Variants in ZFHX3 observed in about 807,000 individuals in gnomAD.
ZFHX3 encodes the protein zinc finger homeobox 3, also known as zinc finger homeobox protein 3.
A neutral mutation model predicts 279.1 loss-of-function variants in ZFHX3; 42 were observed. That is an observed-to-expected ratio of 0.15 (90% CI 0.12 to 0.19). ZFHX3 has a LOEUF of 0.19. Among genes scored for constraint, ZFHX3 ranks in the 10% least tolerant of loss-of-function variants. The pLI, the probability that ZFHX3 is intolerant of heterozygous loss-of-function variation, is 1.00. For synonymous variants in ZFHX3, 2,293 were observed against 1,957.8 expected (o/e 1.17, Z -4.52); for missense variants, 4,981 against 4,754.0 (o/e 1.05, Z -1.40).
At chr16:73,283,568 A>T (rs896688915) in intron 4 of ZFHX3, among the ~76,000 whole-genome samples, 1 of 152,228 alleles carries the variant, frequency 6.6e-6, no homozygotes, top group African/African-American at 2.4e-5. Flanking sequence ...ACATCCACCA[A>T]TGAAAGTTCC....
chr16:73,596,644 C>T (rs1597018494), intron 2 of ZFHX3, among the ~76,000 whole-genome samples: 1 of 152,194 alleles, frequency 6.6e-6, no homozygotes, highest in East Asian at 1.9e-4. Context: ...TTTCAAAAAG[C>T]TTTCCATGGT....
chr16:73,722,570 A>G (rs2053483861), intron 1 of ZFHX3, among the ~76,000 whole-genome samples: 1 of 152,244 alleles, frequency 6.6e-6, no homozygotes, highest in African/African-American at 2.4e-5. Context: ...ATACACTGGC[A>G]TGAAAATTAG....
rs555892262 is a variant in ZFHX3, at chr16:72,870,283, T to G, written c.3448+19448A>C. ...GATGCATGCCTGTAGTCCCAGGTAC[T>G]CAGGAGGCTGAGGTGGGAGGATCAC... On this transcript the variant is annotated intron_variant, in intron 4 of 9. Transcript: ENST00000268489. 1.3e-3 allele frequency among the ~76,000 whole-genome samples: 201 copies of G among 152,126 alleles called. 1 individual carries two copies. Among genetic ancestry groups the G allele is most frequent in the African/African-American group, 4.5e-3 (186 of 41,490 alleles).
chr16:73,110,351 C>A (rs748903706), intron 7 of ZFHX3, among the ~76,000 whole-genome samples: 2 of 152,020 alleles, frequency 1.3e-5, no homozygotes, highest in Non-Finnish European at 2.9e-5. Context: ...TCTGAGTATG[C>A]CCTTTCCTTG....
intron 5 of ZFHX3, among the ~76,000 whole-genome samples, chr16:73,252,654 A>T (rs1567431318): frequency 6.6e-6 from 1 of 152,138 alleles, no homozygotes; most frequent in Non-Finnish European, 1.5e-5. Flanking sequence ...GCTACGGCTG[A>T]GTGTTCGGTG....
intron 5 of ZFHX3, among the ~76,000 whole-genome samples, chr16:72,827,433 A>G (rs990090637): frequency 1.3e-5 from 2 of 152,176 alleles, no homozygotes; most frequent in South Asian, 2.1e-4. Context: ...AGAAAGGTCA[A>G]GGTACCTTGA....
intron 3 of ZFHX3, among the ~76,000 whole-genome samples, chr16:73,363,496 A>G (rs1178388154): frequency 6.6e-6 from 1 of 152,122 alleles, no homozygotes; most frequent in African/African-American, 2.4e-5. Context: ...CACTCAACGT[A>G]GATTTGTTGA....
chr16:73,428,957 C>T (rs1316191930), intron 3 of ZFHX3, among the ~76,000 whole-genome samples: 2 of 152,192 alleles, frequency 1.3e-5, no homozygotes, highest in Admixed American at 1.3e-4. Context: ...TGCTCCCATT[C>T]TTCCTTCACG....
intron 7 of ZFHX3, among the ~76,000 whole-genome samples, chr16:73,107,047 T>C (rs11859096): frequency 0.18 from 27,416 of 152,206 alleles, 3,098 homozygotes; most frequent in Middle Eastern, 0.24. Flanking sequence ...CTGGGTGCAG[T>C]GCCTCATGCC....
chr16:73,827,758 G>T (rs1481757536), intron 1 of ZFHX3, among the ~76,000 whole-genome samples: 46 of 111,864 alleles, frequency 4.1e-4, no homozygotes, highest in Middle Eastern at 3.8e-3. Context: ...ATTGCACTGT[G>T]GTCTGAGAGA....
At chr16:73,804,770 A>G (rs11645342) in intron 1 of ZFHX3, among the ~76,000 whole-genome samples, 36 of 152,096 alleles carry the variant, frequency 2.4e-4, no homozygotes, top group Middle Eastern at 3.4e-3. Context: ...CCTTTCTGAC[A>G]TATTCTAACA....
chr16:73,530,733 A>C (rs1462968933), intron 2 of ZFHX3, among the ~76,000 whole-genome samples: 1 of 152,218 alleles, frequency 6.6e-6, no homozygotes, highest in Admixed American at 6.5e-5. Context: ...TTTGCTGTCC[A>C]TGCACTTTTC....
intron 2 of ZFHX3, among the ~76,000 whole-genome samples, chr16:73,612,333 A>C (rs1023545981): frequency 6.6e-6 from 1 of 152,218 alleles, no homozygotes; most frequent in Non-Finnish European, 1.5e-5. Flanking sequence ...AAACAATAGC[A>C]GCTGCATTTA....
intron 7 of ZFHX3, among the ~76,000 whole-genome samples, chr16:73,122,807 G>C (rs921590486): frequency 4.6e-5 from 7 of 152,154 alleles, no homozygotes; most frequent in African/African-American, 1.7e-4. Context: ...CCTGGGAGCT[G>C]AGCACTGCTG....
intron 1 of ZFHX3, among the ~76,000 whole-genome samples, chr16:73,856,597 A>G (rs1215138099): frequency 6.6e-6 from 1 of 152,198 alleles, no homozygotes; most frequent in Non-Finnish European, 1.5e-5. Context: ...TTTTTAATGG[A>G]TTTGAAGAAA....
rs1371275904 is a variant in ZFHX3 at position 72,787,306 on chromosome 16, G to C, written c.10970C>G (p.Thr3657Arg). ...GTCAGACTCCTCCGAATAGTCGTCT[G>C]TTGGCATCGAGGGCTGAACCCCTGA... is the stretch of plus-strand genomic sequence containing the variant. ...STSGVQPSMP[T>R]DDYSEESDTD... Residue 3657 changes from threonine to arginine, a missense_variant, in exon 10 of 10, where the codon ACA (threonine) becomes AGA (arginine). Thr to Arg is a moderately conservative substitution (Grantham distance 71). Coordinates refer to ENST00000268489, the MANE Select transcript of ZFHX3 (RefSeq NM_006885.4). 3 of 1,614,056 alleles carry C rather than the reference G, an allele frequency of 1.9e-6. No homozygotes were observed. In the South Asian group the frequency reaches 3.3e-5, roughly 18 times the overall value.
chr16:72,960,496 C>T (rs2144462824), intron 1 of ZFHX3, among the ~76,000 whole-genome samples: 1 of 152,274 alleles, frequency 6.6e-6, no homozygotes, highest in South Asian at 2.1e-4. Flanking sequence ...CGGGAATTTC[C>T]ATTCTTTGCC....
intron 1 of ZFHX3, among the ~76,000 whole-genome samples, chr16:73,823,024 C>T (rs932910057): frequency 1.1e-4 from 17 of 152,112 alleles, no homozygotes; most frequent in African/African-American, 3.4e-4. Flanking sequence ...ACAGTAAGCA[C>T]GTGGAAGCCG....
chr16:73,603,404 T>C (rs530945347), intron 2 of ZFHX3, among the ~76,000 whole-genome samples: 3 of 152,252 alleles, frequency 2.0e-5, no homozygotes, highest in African/African-American at 7.2e-5. Flanking sequence ...CTAATAAGCC[T>C]ATAACAAAAT....
Sources: allele counts gnomAD v4.1 joint callset (sites outside exome capture counted in the v4.1 genomes callset), GRCh38; gene constraint gnomAD v4.1.1; transcripts MANE v1.5; gene names NCBI Gene and HGNC (gene_info 2026-07-23, HGNC 2026-07-21).